GSTCD: variants seen among roughly 807,000 people sequenced by gnomAD.
GSTCD encodes the protein glutathione S-transferase C-terminal domain-containing protein.
Under a neutral mutation model 68.3 loss-of-function variants are expected in GSTCD, and 44 were observed. The ratio of observed to expected loss-of-function variants is 0.64; its 90% CI spans 0.51 to 0.83. The LOEUF is 0.83. GSTCD is among the 40% of genes least tolerant of loss of function. The pLI is 0.00. For missense variants in GSTCD, 739 were observed against 735.9 expected, an observed-to-expected ratio of 1.00 and a Z score of -0.05; for synonymous variants, 273 against 255.2, an observed-to-expected ratio of 1.07 and a Z score of -0.67.
rs1180639320 is a variant in GSTCD, at chr4:105,823,078, T to C, written c.1356+9T>C. On this transcript the variant is annotated intron_variant, in intron 6 of 11. Transcript: ENST00000515279. Reference sequence around the variant, plus strand: ...ATTTCTGCAGCGGTGGGGTATTTTATCTCTCCTTTCATCCTTTTTAGTCTT... The same window carrying C: ...ATTTCTGCAGCGGTGGGGTATTTTACCTCTCCTTTCATCCTTTTTAGTCTT... 1 of 1,603,428 alleles carries C rather than the reference T, an allele frequency of 6.2e-7. No homozygotes were observed. Among genetic ancestry groups the C allele is most frequent in the African/African-American group, 1.3e-5 (1 of 74,678 alleles).
At chr4:105,781,514 C>T (rs998544520) in intron 5 of GSTCD, among the ~76,000 whole-genome samples, 4 of 151,852 alleles carry the variant, frequency 2.6e-5, no homozygotes, top group Non-Finnish European at 4.4e-5. Flanking sequence ...GCCTTAGCCT[C>T]GCAAAGTGCC....
intron 10 of GSTCD, among the ~76,000 whole-genome samples, chr4:105,839,512 G>GGAGCT (rs1724252811): frequency 2.0e-5 from 3 of 152,154 alleles, no homozygotes; most frequent in Non-Finnish European, 2.9e-5. Context: ...ACACACACCT[G>GGAGCT]TAATCTCAAT....
intron 5 of GSTCD, among the ~76,000 whole-genome samples, chr4:105,769,648 G>C (rs931363323): frequency 6.6e-6 from 1 of 152,030 alleles, no homozygotes; most frequent in African/African-American, 2.4e-5. Flanking sequence ...TTCCTGGCTG[G>C]TATAGTTTAT....
chr4:105,716,344 T>C (rs973343053), intron 1 of GSTCD, among the ~76,000 whole-genome samples: 2 of 151,880 alleles, frequency 1.3e-5, no homozygotes, highest in African/African-American at 4.8e-5. Context: ...CTGAAGGAAG[T>C]GAGGAAGTGT....
At chr4:105,794,705 A>G (rs1735802715) in intron 5 of GSTCD, among the ~76,000 whole-genome samples, 1 of 151,964 alleles carries the variant, frequency 6.6e-6, no homozygotes, top group Non-Finnish European at 1.5e-5. Context: ...ATCCTCACCA[A>G]GAAAGTATAT....
chr4:105,766,179 G>A (rs1341994265), intron 5 of GSTCD, among the ~76,000 whole-genome samples: 1 of 152,162 alleles, frequency 6.6e-6, no homozygotes, highest in African/African-American at 2.4e-5. Context: ...CCAGAGAATG[G>A]TAACAGCAGG....
rs752058665 is a variant in GSTCD, at chr4:105,726,700, T to A, written c.1016T>A (p.Phe339Tyr). The change falls in exon 4 of 12, where the codon TTT (phenylalanine) becomes TAT (tyrosine). Residue 339 changes from phenylalanine (F) to tyrosine (Y), a missense_variant. Phe to Tyr is a conservative substitution (Grantham distance 22). Transcript: ENST00000515279. The part of the protein sequence containing the change: ...KTAASKCGIQ[F>Y]LHLPKLLTTS... Reference sequence around the variant, plus strand: ...GCAGCTTCTAAGTGTGGGATCCAATTTCTCCATTTACCAAAGTTGTTGACA... The same window carrying A: ...GCAGCTTCTAAGTGTGGGATCCAATATCTCCATTTACCAAAGTTGTTGACA... 2 of 1,613,970 alleles carry A rather than the reference T, an allele frequency of 1.2e-6. No individual in the cohort carries two copies. The highest frequency in any genetic ancestry group is 4.5e-5 in the East Asian group (2 of 44,862).
chr4:105,738,968 A>G (rs566457707), intron 5 of GSTCD, among the ~76,000 whole-genome samples: 8 of 152,286 alleles, frequency 5.3e-5, no homozygotes, highest in East Asian at 3.9e-4. Context: ...GATGTTAGCT[A>G]TGGGTTTGAC....
Position 105,719,416 on chromosome 4 carries a change from C to T in GSTCD, c.783C>T (p.His261=), listed in dbSNP as rs2149205688. The T allele has an allele frequency of 3.7e-6, 6 of 1,614,104 alleles. No individual in the cohort carries two copies. Among genetic ancestry groups the T allele is most frequent in the South Asian group, 2.2e-5 (2 of 91,088 alleles). The change falls in exon 3 of 12, where the codon CAC becomes CAT. Residue 261 remains histidine, a synonymous_variant. Transcript: ENST00000515279. ...CTACTACCAACAGAGAGCCTTCTCA[C>T]ATCAGAAAAGCAAAAGCCTCCGACC... ...EPATTNREPS[H]IRKAKASDLP...
intron 5 of GSTCD, among the ~76,000 whole-genome samples, chr4:105,735,697 G>A (rs556820507): frequency 3.3e-5 from 5 of 152,010 alleles, no homozygotes; most frequent in East Asian, 1.9e-4. Context: ...CCCACTGTCC[G>A]ACAAGCCCCA....
chr4:105,792,694 C>T (rs1260183762), intron 5 of GSTCD, among the ~76,000 whole-genome samples: 1 of 151,944 alleles, frequency 6.6e-6, no homozygotes, highest in Non-Finnish European at 1.5e-5. Flanking sequence ...TAGGGTTTCC[C>T]TGCATTGAAA....
At chr4:105,836,875 T>G (rs1724143694) in intron 9 of GSTCD, among the ~76,000 whole-genome samples, 1 of 152,244 alleles carries the variant, frequency 6.6e-6, no homozygotes, top group Admixed American at 6.5e-5. Flanking sequence ...CAGTTGGGAA[T>G]TTATAAATAG....
At chr4:105,743,197 C>A (rs920623734) in intron 5 of GSTCD, among the ~76,000 whole-genome samples, 34 of 152,036 alleles carry the variant, frequency 2.2e-4, no homozygotes, top group East Asian at 1.2e-3. Context: ...TGATCTGCCC[C>A]CCTTGGCCTC....
chr4:105,828,539 A>G (rs1723757182), intron 8 of GSTCD, among the ~76,000 whole-genome samples: 2 of 152,218 alleles, frequency 1.3e-5, no homozygotes, highest in African/African-American at 4.8e-5. Flanking sequence ...ATCCCCAAAT[A>G]ACAAGAACAA....
At chr4:105,760,347 T>A (rs1028040802) in intron 5 of GSTCD, among the ~76,000 whole-genome samples, 6 of 152,166 alleles carry the variant, frequency 3.9e-5, no homozygotes, top group Non-Finnish European at 1.5e-5. Flanking sequence ...CAATAATCTA[T>A]ATTGTTTTGG....
At chr4:105,827,145 G>GT (rs1281168052) in intron 8 of GSTCD, 7 of 152,096 alleles carry the variant, frequency 4.6e-5, no homozygotes, top group Admixed American at 4.6e-4. Flanking sequence ...AAATGTTGAG[G>GT]TAAAGTTTAG....
chr4:105,733,841 T>C (rs1426694529), intron 5 of GSTCD, among the ~76,000 whole-genome samples: 1 of 152,188 alleles, frequency 6.6e-6, no homozygotes, highest in Non-Finnish European at 1.5e-5. Flanking sequence ...TTCCTTTCCA[T>C]GTTTAGTGCT....
intron 5 of GSTCD, chr4:105,820,576 C>T (rs906481016): frequency 6.6e-6 from 1 of 151,788 alleles, no homozygotes; most frequent in Admixed American, 6.6e-5. Context: ...GCTCATATTT[C>T]CTGGAGCTTC....
intron 5 of GSTCD, among the ~76,000 whole-genome samples, chr4:105,796,979 G>T (rs1560833978): frequency 6.6e-6 from 1 of 151,958 alleles, no homozygotes; most frequent in Non-Finnish European, 1.5e-5. Flanking sequence ...AAAAGCTCCA[G>T]TGCCTCAAAA....
Sources: gnomAD v4.1 joint callset for allele counts (sites outside exome capture counted in the v4.1 genomes callset) on GRCh38, gnomAD v4.1.1 for gene constraint, MANE v1.5 for transcripts, NCBI Gene and HGNC (gene_info 2026-07-23, HGNC 2026-07-21) for gene names.